CACNA2D3: variants seen among roughly 807,000 people sequenced by gnomAD.
The protein encoded by CACNA2D3 is calcium voltage-gated channel auxiliary subunit alpha2delta 3.
CACNA2D3 carries 60 observed loss-of-function variants against 160.6 expected under a neutral mutation model. That is an observed-to-expected ratio of 0.37 (90% CI 0.30 to 0.46). The LOEUF is 0.46. CACNA2D3 is among the 20% of genes least tolerant of loss of function. The pLI is 1.00. For synonymous variants in CACNA2D3, 558 were observed against 492.9 expected (o/e 1.13, Z -1.75); for missense variants, 1,205 against 1,365.0 (o/e 0.88, Z 1.85).
At chr3:54,569,392 C>T (rs1702458877) in intron 6 of CACNA2D3, among the ~76,000 whole-genome samples, 1 of 152,128 alleles carries the variant, frequency 6.6e-6, no homozygotes, top group Admixed American at 6.5e-5. Flanking sequence ...GACATTACAT[C>T]ACCTGGTCCA....
intron 16 of CACNA2D3, among the ~76,000 whole-genome samples, chr3:54,840,088 A>G (rs2106762438): frequency 6.6e-6 from 1 of 152,272 alleles, no homozygotes; most frequent in East Asian, 1.9e-4. Flanking sequence ...TCCCACCTGT[A>G]GAGAACTTTT....
At chr3:54,763,323 G>C (rs751770550) in intron 12 of CACNA2D3, among the ~76,000 whole-genome samples, 2 of 151,868 alleles carry the variant, frequency 1.3e-5, no homozygotes, top group Admixed American at 6.6e-5. Flanking sequence ...CATCTGCATC[G>C]GTCATCTTAT....
At chr3:54,506,787 G>A (rs1559500136) in intron 5 of CACNA2D3, among the ~76,000 whole-genome samples, 1 of 152,084 alleles carries the variant, frequency 6.6e-6, no homozygotes, top group Non-Finnish European at 1.5e-5. Flanking sequence ...TTACTATTTC[G>A]GAGACTTTGA....
chr3:55,032,667 T>A (rs1268692752), intron 35 of CACNA2D3, among the ~76,000 whole-genome samples: 1 of 152,146 alleles, frequency 6.6e-6, no homozygotes, highest in African/African-American at 2.4e-5. Flanking sequence ...AGTTGCCGTC[T>A]GTGCCTCTGT....
In CACNA2D3 at chr3:54,871,215, ACACACACACC is replaced by A. The variant is rs753877160; in HGVS notation, c.1627-322_1627-313del. Among the ~76,000 whole-genome samples the A allele has an allele frequency of 5.9e-3, 629 of 107,374 alleles. 5 individuals carry two copies. Among genetic ancestry groups the A allele is most frequent in the Non-Finnish European group, 7.6e-3 (398 of 52,644 alleles). The allele number at this position is 107,374 out of a possible 152,430, so 70.4% of individuals were successfully genotyped here. A position where few individuals can be genotyped will look rare whatever the true frequency, so the allele number is the denominator to read the frequency against. ...CACACACACACACACACACACACAC[ACACACACACC>A]CCCCATTCAAGGAGGGGACAGATTT... is the stretch of plus-strand genomic sequence containing the variant. On this transcript the variant is annotated intron_variant, in intron 17 of 37. Coordinates refer to ENST00000474759, the MANE Select transcript of CACNA2D3 (RefSeq NM_018398.3).
chr3:54,155,805 G>C (rs1700234245), intron 2 of CACNA2D3, among the ~76,000 whole-genome samples: 1 of 152,134 alleles, frequency 6.6e-6, no homozygotes, highest in African/African-American at 2.4e-5. Flanking sequence ...CATTGAGGAA[G>C]GTCATTCAGG....
intron 27 of CACNA2D3, among the ~76,000 whole-genome samples, chr3:54,956,383 T>G (rs1209849409): frequency 6.6e-6 from 1 of 152,228 alleles, no homozygotes; most frequent in Admixed American, 6.5e-5. Context: ...GGGGACAATT[T>G]TGCTGTGTCA....
chr3:54,514,126 G>GA (rs1243066440), intron 5 of CACNA2D3, among the ~76,000 whole-genome samples: 1 of 152,160 alleles, frequency 6.6e-6, no homozygotes, highest in East Asian at 1.9e-4. Context: ...TTCCCTTTAT[G>GA]AAAATAATGT....
chr3:54,931,846 C>T (rs1385425619), intron 27 of CACNA2D3, among the ~76,000 whole-genome samples: 3 of 152,162 alleles, frequency 2.0e-5, no homozygotes, highest in Non-Finnish European at 4.4e-5. Flanking sequence ...TGAAATCCAG[C>T]ATGTAATAGC....
intron 4 of CACNA2D3, among the ~76,000 whole-genome samples, chr3:54,458,372 T>C (rs1173761060): frequency 6.6e-6 from 1 of 152,158 alleles, no homozygotes; most frequent in Non-Finnish European, 1.5e-5. Context: ...ATGAATTTCC[T>C]CAGTTTTTGG....
intron 2 of CACNA2D3, among the ~76,000 whole-genome samples, chr3:54,131,419 A>G: frequency 6.6e-6 from 1 of 152,246 alleles, no homozygotes; most frequent in South Asian, 2.1e-4. Context: ...GCCCAGAGTG[A>G]GGTCCTTATG....
At chr3:54,700,333 C>T (rs1700745767) in intron 11 of CACNA2D3, among the ~76,000 whole-genome samples, 1 of 152,120 alleles carries the variant, frequency 6.6e-6, no homozygotes, top group Non-Finnish European at 1.5e-5. Context: ...CCTCATATTC[C>T]AGAGGTGACT....
chr3:54,627,816 C>T lies in CACNA2D3; in HGVS notation c.993C>T (p.Phe331=), dbSNP rs375011891. The T allele has an allele frequency of 3.2e-5, 51 of 1,610,520 alleles. No individual in the cohort carries two copies. Among genetic ancestry groups the T allele is most frequent in the South Asian group, 1.3e-4 (12 of 89,848 alleles). The part of the protein sequence containing the change: ...EHFREHLDKL[F]AKGIGMLDIA... Reference sequence around the variant, plus strand: ...TCAGGGAGCATCTGGACAAACTTTTCGCCAAAGGAATTGGAATGTTGGATA... The same window carrying T: ...TCAGGGAGCATCTGGACAAACTTTTTGCCAAAGGAATTGGAATGTTGGATA... Residue 331 remains phenylalanine, a synonymous_variant, in exon 10 of 38, where the codon TTC becomes TTT. Coordinates refer to ENST00000474759, the MANE Select transcript of CACNA2D3 (RefSeq NM_018398.3).
At chr3:54,389,958 G>A (rs1053907956) in intron 4 of CACNA2D3, among the ~76,000 whole-genome samples, 4 of 152,178 alleles carry the variant, frequency 2.6e-5, no homozygotes, top group South Asian at 2.1e-4. Flanking sequence ...ATTATGTTAA[G>A]GAATGTCCTC....
At chr3:54,346,048 G>A (rs1269959681) in intron 3 of CACNA2D3, among the ~76,000 whole-genome samples, 1 of 151,746 alleles carries the variant, frequency 6.6e-6, no homozygotes, top group Non-Finnish European at 1.5e-5. Flanking sequence ...GAGGAGGGTT[G>A]AAAAACAAAG....
At chr3:54,719,117 T>C (rs1369541861) in intron 11 of CACNA2D3, among the ~76,000 whole-genome samples, 4 of 151,478 alleles carry the variant, frequency 2.6e-5, no homozygotes, top group African/African-American at 4.8e-5. Context: ...ACTTTCCCAA[T>C]CTATATACCT....
chr3:55,070,196 AAGAAGAGGCAGAAGG>A (rs1214064140), intron 35 of CACNA2D3, among the ~76,000 whole-genome samples: 1 of 152,184 alleles, frequency 6.6e-6, no homozygotes, highest in African/African-American at 2.4e-5. Flanking sequence ...ACAAGCAAGG[AAGAAGAGGCAGAAGG>A]AAAGTGGTGA....
At chr3:54,997,178 AAAAAT>A (rs888953827) in intron 31 of CACNA2D3, among the ~76,000 whole-genome samples, 18 of 152,328 alleles carry the variant, frequency 1.2e-4, no homozygotes, top group African/African-American at 2.9e-4. Flanking sequence ...TAACAAAACA[AAAAAT>A]AAAATAAATA....
At chr3:54,322,507 G>A (rs184847628) in intron 3 of CACNA2D3, among the ~76,000 whole-genome samples, 3 of 152,188 alleles carry the variant, frequency 2.0e-5, no homozygotes, top group African/African-American at 4.8e-5. Context: ...GGCTTGGCAG[G>A]GTGAAGGCAT....
Sources: gnomAD v4.1 joint callset for allele counts (sites outside exome capture counted in the v4.1 genomes callset) on GRCh38, gnomAD v4.1.1 for gene constraint, MANE v1.5 for transcripts, NCBI Gene and HGNC (gene_info 2026-07-23, HGNC 2026-07-21) for gene names.